Variants in EPB41L1 observed in about 807,000 individuals in gnomAD.
EPB41L1 encodes the protein erythrocyte membrane protein band 4.1 like 1.
Under a neutral mutation model 97.8 loss-of-function variants are expected in EPB41L1, and 29 were observed. The observed-to-expected ratio is 0.30, with a 90% CI of 0.22 to 0.40. The LOEUF is 0.40. Ranked by LOEUF, EPB41L1 falls within the 10% of genes least tolerant of loss-of-function variation. EPB41L1 has a pLI of 1.00. For synonymous variants in EPB41L1, 383 were observed against 459.2 expected, an observed-to-expected ratio of 0.83 and a Z score of 2.12; for missense variants, 812 against 1,162.3, an observed-to-expected ratio of 0.70 and a Z score of 4.38.
chr20:36,165,895 A>T (rs1482679043), intron 1 of EPB41L1, among the ~76,000 whole-genome samples: 1 of 152,254 alleles, frequency 6.6e-6, no homozygotes, highest in African/African-American at 2.4e-5. Flanking sequence ...AGGTTGCTGG[A>T]ATGCCATACA....
rs544018194 is a variant in EPB41L1 at position 36,169,122 on chromosome 20, A to C, written c.-14-4642A>C. 6.6e-5 allele frequency among the ~76,000 whole-genome samples: 10 copies of C among 150,794 alleles called. No individual in the cohort carries two copies. The South Asian group carries it at 2.1e-3, about 32-fold the overall frequency. On this transcript the variant is annotated intron_variant, in intron 1 of 21. Transcript: ENST00000338074. ...TCACCTGTAATCCCAGTTACTCGGG[A>C]GGCTGAGGTAGGAGAAATTGCTTGA...
chr20:36,176,921 T>C (rs957271789), intron 3 of EPB41L1, among the ~76,000 whole-genome samples: 11 of 152,146 alleles, frequency 7.2e-5, no homozygotes, highest in Middle Eastern at 3.2e-3. Flanking sequence ...CATGAGCCAC[T>C]GCACCCGACT....
chr20:36,091,791 A>T (rs2057672533), intron 1 of EPB41L1: 1 of 152,126 alleles, frequency 6.6e-6, no homozygotes, highest in South Asian at 2.1e-4. Context: ...CTAGGGCAGG[A>T]ATTCCTTTCT....
chr20:36,177,951 G>A lies in EPB41L1; in HGVS notation c.343-1G>A. ...CATAGCTGCTCTGCTTCCCTCCTTA[G>A]AAACATGGCCGGGGCCAGGTGCTGT... is the stretch of plus-strand genomic sequence containing the variant. On this transcript the variant is annotated splice_acceptor_variant, in intron 3 of 21. Transcript: ENST00000338074. LOFTEE classifies it high-confidence loss of function. The A allele has an allele frequency of 6.2e-7, 1 of 1,613,886 alleles. No homozygotes were observed. The highest frequency in any genetic ancestry group is 8.5e-7 in the Non-Finnish European group (1 of 1,179,790).
intron 2 of EPB41L1, among the ~76,000 whole-genome samples, chr20:36,129,734 C>A (rs759628073): frequency 2.6e-5 from 4 of 151,966 alleles, no homozygotes; most frequent in Non-Finnish European, 5.9e-5. Context: ...AAAATAATAC[C>A]GTTTTTTAAT....
intron 1 of EPB41L1, among the ~76,000 whole-genome samples, chr20:36,107,517 CTTT>C (rs35325837): frequency 1.5e-5 from 2 of 132,348 alleles, no homozygotes; most frequent in Non-Finnish European, 3.2e-5. Context: ...CCGTGCCCGG[CTTT>C]TTTTTTTTTT....
intron 13 of EPB41L1, 186 bp from the exon 14 acceptor site, chr20:36,197,673 A>T: frequency 1.0e-6 from 1 of 985,150 alleles, no homozygotes; most frequent in Non-Finnish European, 1.2e-6. Context: ...TGGGATGTGC[A>T]CCTGTTGGGG....
At chr20:36,182,202 GA>G (rs1235560059) in intron 5 of EPB41L1, 69 bp from the exon 6 acceptor site, 5 of 1,400,910 alleles carry the variant, frequency 3.6e-6, no homozygotes, top group Non-Finnish European at 5.1e-6. Context: ...AAACTGCCCA[GA>G]GGATGGTGCA....
intron 16 of EPB41L1, among the ~76,000 whole-genome samples, chr20:36,213,854 A>C (rs2063283642): frequency 6.6e-6 from 1 of 152,136 alleles, no homozygotes; most frequent in South Asian, 2.1e-4. Flanking sequence ...TTTTCTTACA[A>C]CTTACCTTTC....
At chr20:36,226,365 G>A (rs1215891869) in intron 21 of EPB41L1, among the ~76,000 whole-genome samples, 1 of 152,186 alleles carries the variant, frequency 6.6e-6, no homozygotes, top group Non-Finnish European at 1.5e-5. Flanking sequence ...ATAATTTATG[G>A]AAAGCTTACC....
chr20:36,200,669 C>T (rs1191500870), intron 14 of EPB41L1, among the ~76,000 whole-genome samples: 1 of 152,206 alleles, frequency 6.6e-6, no homozygotes, highest in Non-Finnish European at 1.5e-5. Flanking sequence ...AGGGCAGTCC[C>T]TCCCGAGCTC....
chr20:36,147,798 C>G (rs1182424999), intron 2 of EPB41L1, among the ~76,000 whole-genome samples: 2 of 152,194 alleles, frequency 1.3e-5, no homozygotes, highest in Non-Finnish European at 2.9e-5. Context: ...CTCTCCAGCT[C>G]TCTTCTGACT....
At chr20:36,173,729 C>T in intron 1 of EPB41L1, 35 bp from the exon 2 acceptor site, 4 of 1,602,244 alleles carry the variant, frequency 2.5e-6, no homozygotes, top group African/African-American at 2.7e-5. Context: ...ATTGCTGTCC[C>T]TCCCTGTCAC....
intron 14 of EPB41L1, among the ~76,000 whole-genome samples, chr20:36,199,195 T>C (rs751455569): frequency 1.4e-4 from 22 of 152,058 alleles, no homozygotes; most frequent in Non-Finnish European, 3.1e-4. Context: ...GAAAGGGCCC[T>C]GGGAACCTGC....
intron 14 of EPB41L1, among the ~76,000 whole-genome samples, chr20:36,199,016 C>A (rs528069156): frequency 5.3e-4 from 80 of 152,298 alleles, no homozygotes; most frequent in Non-Finnish European, 1.0e-3. Context: ...TATTGTTTCA[C>A]TTGAGAGTTC....
chr20:36,203,836 G>T (rs763231118), intron 14 of EPB41L1, among the ~76,000 whole-genome samples: 7 of 152,130 alleles, frequency 4.6e-5, no homozygotes, highest in Non-Finnish European at 8.8e-5. Context: ...CTGACAGAGA[G>T]ATTTTCTCAA....
chr20:36,163,134 T>G (rs1050492977), intron 1 of EPB41L1, among the ~76,000 whole-genome samples: 5 of 152,048 alleles, frequency 3.3e-5, no homozygotes, highest in African/African-American at 1.2e-4. Flanking sequence ...TTTCTGTTTT[T>G]TTTTTTTTTT....
At chr20:36,198,803 T>G (rs1328971096) in intron 14 of EPB41L1, among the ~76,000 whole-genome samples, 1 of 152,200 alleles carries the variant, frequency 6.6e-6, no homozygotes, top group Non-Finnish European at 1.5e-5. Flanking sequence ...TCAAATACGG[T>G]TGTGGTGTAG....
At chr20:36,202,971 C>A (rs2062581898) in intron 14 of EPB41L1, among the ~76,000 whole-genome samples, 2 of 152,284 alleles carry the variant, frequency 1.3e-5, no homozygotes, top group Admixed American at 1.3e-4. Flanking sequence ...TTCTCCCCAC[C>A]CCTGTTGCCA....
Sources: allele counts gnomAD v4.1 joint callset (sites outside exome capture counted in the v4.1 genomes callset), GRCh38; gene constraint gnomAD v4.1.1; transcripts MANE v1.5; gene names NCBI Gene and HGNC (gene_info 2026-07-23, HGNC 2026-07-21).